Variants in FHIT observed in about 807,000 individuals in gnomAD.
The protein encoded by FHIT is bis(5'-adenosyl)-triphosphatase.
FHIT carries 19 observed loss-of-function variants against 17.9 expected under a neutral mutation model. That is an observed-to-expected ratio of 1.06 (90% confidence interval 0.74 to 1.56). The LOEUF (loss-of-function observed/expected upper bound fraction) is 1.56. FHIT is among the 40% of genes most tolerant of loss of function. FHIT has a pLI of 0.00. For synonymous variants in FHIT, 81 were observed against 69.7 expected, an observed-to-expected ratio of 1.16 and a Z score of -0.81; for missense variants, 248 against 189.2, an observed-to-expected ratio of 1.31 and a Z score of -1.82.
rs557213521 is a variant in FHIT, at chr3:59,771,085, A to G, written c.349-18764T>C. 2.0e-5 allele frequency among the ~76,000 whole-genome samples: 3 copies of G among 152,352 alleles called. No individual in the cohort carries two copies. In the East Asian group the frequency reaches 5.8e-4, roughly 29 times the overall value. On this transcript the variant is annotated intron_variant, in intron 8 of 9. Transcript: ENST00000492590. ...TTTGGAGGGCAACAACATGGAATTTAAATTTTCTTAGGGTGAGGGTAGCGG... is the reference window on the plus strand; with the variant it reads ...TTTGGAGGGCAACAACATGGAATTTGAATTTTCTTAGGGTGAGGGTAGCGG...
chr3:60,254,194 C>T (rs1457090733), intron 5 of FHIT, among the ~76,000 whole-genome samples: 2 of 152,110 alleles, frequency 1.3e-5, no homozygotes, highest in African/African-American at 2.4e-5. Context: ...ATCCTGCAGA[C>T]CAAAGCAAGA....
At chr3:59,833,497 A>G (rs1391563092) in intron 8 of FHIT, among the ~76,000 whole-genome samples, 2 of 152,206 alleles carry the variant, frequency 1.3e-5, no homozygotes, top group Admixed American at 1.3e-4. Flanking sequence ...TACAGGCTAC[A>G]GAGAGAGCAT....
intron 8 of FHIT, among the ~76,000 whole-genome samples, chr3:59,761,304 A>G (rs1484876055): frequency 6.6e-6 from 1 of 152,140 alleles, no homozygotes; most frequent in Non-Finnish European, 1.5e-5. Flanking sequence ...TAGTCCCCAC[A>G]TTGCCCAGTC....
chr3:60,261,575 T>C (rs1376710648), intron 5 of FHIT, among the ~76,000 whole-genome samples: 1 of 152,050 alleles, frequency 6.6e-6, no homozygotes, highest in Non-Finnish European at 1.5e-5. Context: ...GAAACCAGCC[T>C]GATGTCAGAT....
At chr3:61,175,606 G>A (rs375483409) in intron 2 of FHIT, among the ~76,000 whole-genome samples, 15 of 152,204 alleles carry the variant, frequency 9.9e-5, no homozygotes, top group East Asian at 5.8e-4. Flanking sequence ...CTTGGGTAGC[G>A]ATTAAGTCAT....
chr3:61,014,712 G>A (rs539641963), intron 3 of FHIT, among the ~76,000 whole-genome samples: 92 of 143,716 alleles, frequency 6.4e-4, no homozygotes, highest in African/African-American at 2.1e-3. Context: ...CCCAGGAGGC[G>A]GAGCTTGCAG....
intron 2 of FHIT, among the ~76,000 whole-genome samples, chr3:61,164,069 G>A (rs111920965): frequency 1.6e-4 from 24 of 152,262 alleles, no homozygotes; most frequent in Admixed American, 6.5e-4. Context: ...AAAGGAGAAG[G>A]AAAAGGAGAG....
chr3:60,598,845 C>T (rs921232602), intron 4 of FHIT, among the ~76,000 whole-genome samples: 23 of 152,086 alleles, frequency 1.5e-4, no homozygotes, highest in African/African-American at 5.6e-4. Context: ...TCAGACATGA[C>T]TGTGTTTGCT....
chr3:60,014,321 G>C (rs1700258378), intron 5 of FHIT, among the ~76,000 whole-genome samples, 169 bp from the exon 6 acceptor site: 1 of 152,224 alleles, frequency 6.6e-6, no homozygotes, highest in Non-Finnish European at 1.5e-5. Context: ...AGTTGAAAGA[G>C]AGCTCCCATA....
intron 5 of FHIT, among the ~76,000 whole-genome samples, chr3:60,325,548 G>A (rs908992225): frequency 1.3e-5 from 2 of 151,896 alleles, no homozygotes; most frequent in African/African-American, 4.8e-5. Context: ...TTCAGAGTTG[G>A]GTTTTTAAAC....
intron 5 of FHIT, among the ~76,000 whole-genome samples, chr3:60,250,062 T>A (rs1705615586): frequency 6.6e-6 from 1 of 152,020 alleles, no homozygotes; most frequent in Non-Finnish European, 1.5e-5. Context: ...ATTATTGCTA[T>A]TCAAGGTGAG....
At chr3:60,445,485 A>G (rs1411698340) in intron 5 of FHIT, among the ~76,000 whole-genome samples, 1 of 152,094 alleles carries the variant, frequency 6.6e-6, no homozygotes, top group Non-Finnish European at 1.5e-5. Flanking sequence ...GAAGAAGAAA[A>G]AAAAAAGAAA....
At chr3:60,113,438 G>A (rs530715902) in intron 5 of FHIT, among the ~76,000 whole-genome samples, 1 of 151,886 alleles carries the variant, frequency 6.6e-6, no homozygotes, top group African/African-American at 2.4e-5. Context: ...CAACGTGTGT[G>A]TGGCCATACA....
Position 59,971,152 on chromosome 3 carries a change from G to A in FHIT, c.279+40219C>T, listed in dbSNP as rs181460176. Among the ~76,000 whole-genome samples the A allele has an allele frequency of 3.3e-5, 5 of 152,126 alleles. No homozygotes were observed. The East Asian group carries it at 9.7e-4, about 29-fold the overall frequency. On this transcript the variant is annotated intron_variant, in intron 7 of 9. Transcript: ENST00000492590. Reference sequence around the variant, plus strand: ...ATGATTCTCTCAGAATGATTCTGTGGCCCAGTTAAATGAAGTTCAAGGAAA... The same window carrying A: ...ATGATTCTCTCAGAATGATTCTGTGACCCAGTTAAATGAAGTTCAAGGAAA...
At chr3:61,150,073 T>TG (rs2037341885) in intron 2 of FHIT, among the ~76,000 whole-genome samples, 1 of 152,158 alleles carries the variant, frequency 6.6e-6, no homozygotes, top group African/African-American at 2.4e-5. Context: ...AAGTAATTGT[T>TG]GAAAATCTTC....
rs188711034 is a variant in FHIT, at chr3:59,910,810, G to C, written c.348+11536C>G. On this transcript the variant is annotated intron_variant, in intron 8 of 9. Transcript: ENST00000492590. ...GCTGTTATCTTTTTCTGAAGTTTCC[G>C]TTGTCTAGCTTCAGTTCACTTGGCT... 3.0e-4 allele frequency among the ~76,000 whole-genome samples: 45 copies of C among 152,136 alleles called. No individual in the cohort carries two copies. In the East Asian group the frequency reaches 3.7e-3, roughly 12 times the overall value.
chr3:61,138,694 T>C (rs2036988208), intron 2 of FHIT, among the ~76,000 whole-genome samples: 1 of 152,198 alleles, frequency 6.6e-6, no homozygotes, highest in African/African-American at 2.4e-5. Flanking sequence ...ACTCGGCTAA[T>C]GTGGCTTGGC....
At chr3:60,578,562 A>G (rs782198583) in intron 4 of FHIT, among the ~76,000 whole-genome samples, 2 of 152,136 alleles carry the variant, frequency 1.3e-5, no homozygotes, top group Non-Finnish European at 2.9e-5. Context: ...AAGTACCTGC[A>G]TATTTTCATT....
chr3:59,780,280 C>T (rs779816612), intron 8 of FHIT, among the ~76,000 whole-genome samples: 1 of 152,242 alleles, frequency 6.6e-6, no homozygotes, highest in African/African-American at 2.4e-5. Context: ...TGATATGTAA[C>T]GGGCCCAATA....
Sources: allele counts gnomAD v4.1 joint callset (sites outside exome capture counted in the v4.1 genomes callset), GRCh38; gene constraint gnomAD v4.1.1; transcripts MANE v1.5; gene names NCBI Gene and HGNC (gene_info 2026-07-23, HGNC 2026-07-21).